Variants in GRID1 observed in about 807,000 individuals in gnomAD.
GRID1 encodes the protein glutamate receptor ionotropic, delta-1.
A neutral mutation model predicts 98.0 loss-of-function variants in GRID1; 28 were observed. That is an observed-to-expected ratio of 0.29 (90% CI 0.21 to 0.39). The LOEUF (loss-of-function observed/expected upper bound fraction) is 0.39. Among genes scored for constraint, GRID1 ranks in the 10% least tolerant of loss-of-function variants. The pLI is 1.00. For synonymous variants in GRID1, 553 were observed against 538.5 expected (o/e 1.03, Z -0.37); for missense variants, 1,111 against 1,340.5 (o/e 0.83, Z 2.67).
rs531752535 is a variant in GRID1 at position 86,265,872 on chromosome 10, G to A, written c.236-59224C>T. Among the ~76,000 whole-genome samples the A allele has an allele frequency of 6.6e-5, 10 of 151,604 alleles. No homozygotes were observed. The South Asian group carries it at 2.1e-3, about 32-fold the overall frequency. ...CAACAACAGCAAGTAATGACCCTGA[G>A]GATCTGCAAAGTCGCTGATCAGCAG... On this transcript the variant is annotated intron_variant, in intron 2 of 15. Transcript: ENST00000327946.
intron 2 of GRID1, among the ~76,000 whole-genome samples, chr10:86,238,499 A>G (rs1846575907): frequency 6.6e-6 from 1 of 151,976 alleles, no homozygotes; most frequent in East Asian, 1.9e-4. Context: ...ATACAACCCC[A>G]TCTCTACTAA....
At chr10:85,870,616 T>G (rs1236736166) in intron 5 of GRID1, among the ~76,000 whole-genome samples, 1 of 152,208 alleles carries the variant, frequency 6.6e-6, no homozygotes, top group African/African-American at 2.4e-5. Flanking sequence ...AGGGCACAGT[T>G]GCAGTTGAGG....
chr10:85,939,593 T>TCCTCTGACTCTTTGTCTC (rs1245114503), intron 4 of GRID1, among the ~76,000 whole-genome samples: 1 of 152,154 alleles, frequency 6.6e-6, no homozygotes. Flanking sequence ...AGTCATGTCT[T>TCCTCTGACTCTTTGTCTC]CCTCTGACTC....
intron 8 of GRID1, among the ~76,000 whole-genome samples, chr10:85,845,825 T>C (rs887732604): frequency 6.6e-6 from 1 of 152,188 alleles, no homozygotes; most frequent in Non-Finnish European, 1.5e-5. Context: ...ACAATAATGA[T>C]GAATCTTACT....
intron 12 of GRID1, among the ~76,000 whole-genome samples, chr10:85,655,015 T>C (rs1156255010): frequency 1.3e-5 from 2 of 152,216 alleles, no homozygotes; most frequent in Non-Finnish European, 2.9e-5. Context: ...AGGAGCTCAA[T>C]GTCCACACTA....
intron 8 of GRID1, among the ~76,000 whole-genome samples, chr10:85,762,653 C>T (rs369802971): frequency 1.3e-5 from 2 of 152,160 alleles, no homozygotes; most frequent in Non-Finnish European, 2.9e-5. Context: ...CCTATCCCTA[C>T]CTGCTGACCA....
chr10:86,135,859 C>A (rs898859975), intron 4 of GRID1, among the ~76,000 whole-genome samples: 5 of 152,268 alleles, frequency 3.3e-5, no homozygotes, highest in African/African-American at 1.2e-4. Flanking sequence ...GTCTTCCTCA[C>A]TCACTCCCAT....
At chr10:86,146,646 T>TCTTC (rs1025081800) in intron 3 of GRID1, among the ~76,000 whole-genome samples, 1 of 152,120 alleles carries the variant, frequency 6.6e-6, no homozygotes, top group Non-Finnish European at 1.5e-5. Context: ...CTTCCCGCCC[T>TCTTC]CTTCCTTCCT....
At chr10:86,073,954 G>T (rs944398237) in intron 4 of GRID1, among the ~76,000 whole-genome samples, 6 of 137,338 alleles carry the variant, frequency 4.4e-5, no homozygotes, top group South Asian at 2.2e-4. Context: ...TGACCAGTCT[G>T]GGGGAGGGTG....
intron 8 of GRID1, among the ~76,000 whole-genome samples, chr10:85,774,587 G>C (rs1412669638): frequency 6.6e-6 from 1 of 152,000 alleles, no homozygotes; most frequent in Non-Finnish European, 1.5e-5. Context: ...CTGACAAAGG[G>C]CTAATATCCA....
intron 8 of GRID1, among the ~76,000 whole-genome samples, chr10:85,827,480 T>C (rs1392816900): frequency 2.6e-5 from 4 of 151,720 alleles, no homozygotes; most frequent in African/African-American, 7.3e-5. Context: ...CTGATAAATA[T>C]GAGAAAATGT....
chr10:86,138,042 A>G (rs1200095486), intron 4 of GRID1, among the ~76,000 whole-genome samples: 1 of 152,096 alleles, frequency 6.6e-6, no homozygotes, highest in African/African-American at 2.4e-5. Flanking sequence ...TGACCTGTTC[A>G]ATCTGCCTCT....
intron 2 of GRID1, among the ~76,000 whole-genome samples, chr10:86,223,641 G>A (rs1846294252): frequency 6.6e-6 from 1 of 152,232 alleles, no homozygotes; most frequent in African/African-American, 2.4e-5. Context: ...TCTCCAACAA[G>A]GGCAGCTCAG....
intron 12 of GRID1, among the ~76,000 whole-genome samples, chr10:85,667,049 C>A (rs547786320): frequency 4.6e-5 from 7 of 152,316 alleles, no homozygotes; most frequent in Admixed American, 4.6e-4. Context: ...AGAGAGGGAA[C>A]TAAGCAGAGG....
intron 4 of GRID1, among the ~76,000 whole-genome samples, chr10:86,133,176 T>C (rs568942633): frequency 3.9e-5 from 6 of 152,200 alleles, no homozygotes; most frequent in Non-Finnish European, 8.8e-5. Context: ...CTGGTGGATG[T>C]GTATGCATAT....
At chr10:86,317,856 C>T (rs961441767) in intron 2 of GRID1, among the ~76,000 whole-genome samples, 1 of 152,046 alleles carries the variant, frequency 6.6e-6, no homozygotes, top group African/African-American at 2.4e-5. Flanking sequence ...TCCTCCCACC[C>T]CAGCCTCCTG....
intron 12 of GRID1, among the ~76,000 whole-genome samples, chr10:85,673,849 T>G (rs7077558): frequency 0.27 from 40,514 of 152,000 alleles, 5,547 homozygotes; most frequent in Middle Eastern, 0.37. Flanking sequence ...AGATCCATTT[T>G]TTTAACCTTA....
At chr10:86,023,272 G>A (rs1843074380) in intron 4 of GRID1, among the ~76,000 whole-genome samples, 1 of 152,148 alleles carries the variant, frequency 6.6e-6, no homozygotes, top group Non-Finnish European at 1.5e-5. Flanking sequence ...AACTAATCAA[G>A]GCAGAATAAC....
At chr10:85,710,247 C>G (rs932931565) in intron 12 of GRID1, among the ~76,000 whole-genome samples, 2 of 152,032 alleles carry the variant, frequency 1.3e-5, no homozygotes, top group Admixed American at 6.6e-5. Context: ...TAATAAAAAA[C>G]AATGTAGTAT....
Sources: allele counts gnomAD v4.1 joint callset (sites outside exome capture counted in the v4.1 genomes callset), GRCh38; gene constraint gnomAD v4.1.1; transcripts MANE v1.5; gene names NCBI Gene and HGNC (gene_info 2026-07-23, HGNC 2026-07-21).